L3MBTL4: variants seen among roughly 807,000 people sequenced by gnomAD.
The protein encoded by L3MBTL4 is L3MBTL histone methyl-lysine binding protein 4.
In L3MBTL4, 70 loss-of-function variants were observed where a neutral mutation model predicts 84.5. The ratio of observed to expected loss-of-function variants is 0.83; its 90% CI spans 0.68 to 1.01. The LOEUF is 1.01. Ranked by LOEUF, L3MBTL4 falls within the 50% of genes least tolerant of loss-of-function variation. The pLI, the probability that L3MBTL4 is intolerant of heterozygous loss-of-function variation, is 0.00. For missense variants in L3MBTL4, 715 were observed against 754.8 expected (o/e 0.95, Z 0.62); for synonymous variants, 274 against 259.8 (o/e 1.05, Z -0.52).
At chr18:6,073,187 G>A (rs1411798802) in intron 16 of L3MBTL4, among the ~76,000 whole-genome samples, 1 of 150,802 alleles carries the variant, frequency 6.6e-6, no homozygotes, top group Non-Finnish European at 1.5e-5. Flanking sequence ...GAGAGAGACA[G>A]AGGGGGAGAG....
chr18:6,389,267 A>G (rs780876942), intron 1 of L3MBTL4, among the ~76,000 whole-genome samples: 14 of 152,208 alleles, frequency 9.2e-5, no homozygotes, highest in Non-Finnish European at 1.9e-4. Context: ...TCACTACCAG[A>G]ATAGTCCTAC....
chr18:6,051,241 C>A (rs2056827486), intron 16 of L3MBTL4, among the ~76,000 whole-genome samples: 1 of 152,168 alleles, frequency 6.6e-6, no homozygotes, highest in African/African-American at 2.4e-5. Context: ...TATCTCCATT[C>A]AAGAATAAGG....
intron 14 of L3MBTL4, among the ~76,000 whole-genome samples, chr18:6,129,658 T>C (rs564909642): frequency 1.3e-5 from 2 of 152,310 alleles, no homozygotes; most frequent in African/African-American, 4.8e-5. Context: ...GATCCCATGA[T>C]TGCTTAAGTG....
chr18:5,956,053 A>C lies in L3MBTL4; in HGVS notation c.*167T>G. On this transcript the variant is annotated 3_prime_UTR_variant, in exon 19 of 19. Transcript: ENST00000317931. ...TAAGCCTCTGAGTCATTGGCACTGGACCAGTCATCAAAATCCTCTAAACAT... is the reference window on the plus strand; with the variant it reads ...TAAGCCTCTGAGTCATTGGCACTGGCCCAGTCATCAAAATCCTCTAAACAT... The C allele has an allele frequency of 3.1e-6, 2 of 642,160 alleles. No individual in the cohort carries two copies. The highest frequency in any genetic ancestry group is 2.9e-5 in the Admixed American group (1 of 34,558). 39.8% of individuals were successfully genotyped at this position (642,160 alleles called of 1,614,324 possible).
chr18:6,339,002 T>C (rs181695425), intron 1 of L3MBTL4, among the ~76,000 whole-genome samples: 121 of 152,218 alleles, frequency 7.9e-4, no homozygotes, highest in Admixed American at 2.2e-3. Flanking sequence ...TTTCAAAACA[T>C]GTAAAGCAAA....
chr18:6,313,437 T>A (rs396306), intron 1 of L3MBTL4, among the ~76,000 whole-genome samples: 28,120 of 152,122 alleles, frequency 0.18, 2,677 homozygotes, highest in Middle Eastern at 0.22. Context: ...CTTTTCCACA[T>A]ATCCTTTTGC....
At chr18:6,194,427 T>C (rs185403671) in intron 12 of L3MBTL4, among the ~76,000 whole-genome samples, 1 of 152,140 alleles carries the variant, frequency 6.6e-6, no homozygotes, top group East Asian at 1.9e-4. Flanking sequence ...ACAGCCGTCG[T>C]TACCATTTAT....
chr18:6,413,459 C>G (rs995748328), intron 1 of L3MBTL4, among the ~76,000 whole-genome samples: 1 of 152,100 alleles, frequency 6.6e-6, no homozygotes, highest in Non-Finnish European at 1.5e-5. Context: ...ACCGTTTCTC[C>G]TAATTCTGTA....
At chr18:6,119,195 C>T (rs986609863) in intron 14 of L3MBTL4, among the ~76,000 whole-genome samples, 1 of 129,182 alleles carries the variant, frequency 7.7e-6, no homozygotes, top group African/African-American at 3.1e-5. Flanking sequence ...CAGCTGCTGA[C>T]TTGATTTTTT....
intron 16 of L3MBTL4, among the ~76,000 whole-genome samples, chr18:6,043,069 A>G (rs1406171078): frequency 1.3e-5 from 2 of 152,064 alleles, no homozygotes; most frequent in African/African-American, 4.8e-5. Flanking sequence ...TTCCTGTCTC[A>G]CACCCCCATT....
At chr18:6,377,862 G>T (rs141535509) in intron 1 of L3MBTL4, among the ~76,000 whole-genome samples, 3,759 of 152,216 alleles carry the variant, frequency 0.025, 185 homozygotes, top group African/African-American at 0.086. Flanking sequence ...TAGGTCAAAT[G>T]GTATTTCTAG....
intron 4 of L3MBTL4, among the ~76,000 whole-genome samples, chr18:6,286,392 A>G (rs2049590955): frequency 6.6e-6 from 1 of 151,814 alleles, no homozygotes; most frequent in Admixed American, 6.6e-5. Flanking sequence ...TGAACCCAGG[A>G]GGCAGAGGTT....
intron 1 of L3MBTL4, among the ~76,000 whole-genome samples, chr18:6,345,078 G>A (rs1246964680): frequency 1.3e-5 from 2 of 151,852 alleles, no homozygotes. Flanking sequence ...CTTATATATA[G>A]AAAACCATAG....
chr18:6,309,879 A>G (rs1194477924), intron 3 of L3MBTL4, among the ~76,000 whole-genome samples: 4 of 152,240 alleles, frequency 2.6e-5, no homozygotes, highest in Non-Finnish European at 5.9e-5. Context: ...AAAAAATTTA[A>G]GAAAAATATT....
chr18:6,034,295 C>T (rs1031116162), intron 16 of L3MBTL4, among the ~76,000 whole-genome samples: 6 of 152,034 alleles, frequency 3.9e-5, no homozygotes, highest in South Asian at 2.1e-4. Context: ...TATCCCTCCC[C>T]GCTCCCCCCA....
intron 16 of L3MBTL4, among the ~76,000 whole-genome samples, chr18:6,038,949 G>C (rs1046174668): frequency 4.0e-5 from 6 of 151,802 alleles, no homozygotes; most frequent in African/African-American, 1.5e-4. Context: ...CCTCATGATG[G>C]GATTAGTGCC....
chr18:6,030,812 G>T (rs2055758654), intron 16 of L3MBTL4: 1 of 985,020 alleles, frequency 1.0e-6, no homozygotes, highest in Admixed American at 6.2e-5. Flanking sequence ...TTACGATAAT[G>T]AAGTAAAACA....
intron 12 of L3MBTL4, among the ~76,000 whole-genome samples, chr18:6,187,859 T>C (rs985341210): frequency 2.7e-5 from 4 of 149,308 alleles, no homozygotes; most frequent in South Asian, 4.2e-4. Context: ...CACAAGGCTC[T>C]TGGTACCAAA....
rs375432139 is a variant in L3MBTL4, at chr18:6,118,271, C to T, written c.1199+19923G>A. ...CAGCTACTCCCTCTTGCTGGAATAT[C>T]CCTCCTATCCCCCTTTGTTTGGTTA... is the stretch of plus-strand genomic sequence containing the variant. On this transcript the variant is annotated intron_variant, in intron 14 of 18. Coordinates refer to ENST00000317931, the MANE Select transcript of L3MBTL4 (RefSeq NM_001330559.2). 4.8e-4 allele frequency among the ~76,000 whole-genome samples: 67 copies of T among 139,320 alleles called. 2 individuals are homozygous for T. The highest frequency in any genetic ancestry group is 1.7e-3 in the African/African-American group (64 of 37,490). The allele number at this position is 139,320 out of a possible 152,430, so 91.4% of individuals were successfully genotyped here.
Sources: allele counts gnomAD v4.1 joint callset (sites outside exome capture counted in the v4.1 genomes callset), GRCh38; gene constraint gnomAD v4.1.1; transcripts MANE v1.5; gene names NCBI Gene and HGNC (gene_info 2026-07-23, HGNC 2026-07-21).